The following PSG4 variants were observed in gnomAD, a reference collection of about 807,000 sequenced individuals.
The protein encoded by PSG4 is pregnancy-specific beta-1-glycoprotein 4.
Under a neutral mutation model 44.3 loss-of-function variants are expected in PSG4, and 61 were observed. That is an observed-to-expected ratio of 1.38 (90% confidence interval 1.12 to 1.70). The LOEUF (loss-of-function observed/expected upper bound fraction) is 1.70. PSG4 is among the 40% of genes most tolerant of loss of function. The probability of loss-of-function intolerance (pLI) is 0.00; values close to 1 mark genes in which losing one functional copy is unlikely to be tolerated. For synonymous variants in PSG4, 248 were observed against 191.3 expected (o/e 1.30, Z -2.45); for missense variants, 677 against 511.7 (o/e 1.32, Z -3.12).
intron 2 of PSG4, chr19:43,203,284 T>A (rs1296372336): frequency 6.7e-6 from 1 of 148,904 alleles, no homozygotes; most frequent in Non-Finnish European, 1.4e-5. Context: ...CTTTCTATCC[T>A]CTCCACTCTG....
intron 2 of PSG4, among the ~76,000 whole-genome samples, chr19:43,200,226 T>C (rs1205165185): frequency 2.8e-5 from 4 of 144,694 alleles, no homozygotes; most frequent in Admixed American, 1.4e-4. Flanking sequence ...ATCCAACTTA[T>C]GAAAATGGCA....
At chr19:43,200,478 A>G (rs1165661882) in intron 2 of PSG4, among the ~76,000 whole-genome samples, 1 of 145,032 alleles carries the variant, frequency 6.9e-6, no homozygotes, top group East Asian at 2.4e-4. Context: ...TTCCTGTTTC[A>G]GTTTTGGAAG....
At chr19:43,194,663 G>C (rs1967156848) in intron 4 of PSG4, 69 bp from the exon 5 acceptor site, 1 of 1,553,864 alleles carries the variant, frequency 6.4e-7, no homozygotes, top group Non-Finnish European at 8.7e-7. Flanking sequence ...GTCTCTTAAA[G>C]GGACACAGTT....
rs982026084 is a variant in PSG4 at position 43,194,811 on chromosome 19, C to T, written c.988+184G>A. 4.2e-5 allele frequency: 60 copies of T among 1,433,142 alleles called. 1 individual carries two copies. The highest frequency in any genetic ancestry group is 7.2e-5 in the African/African-American group (5 of 69,282). The allele number at this position is 1,433,142 out of a possible 1,614,324, so 88.8% of individuals were successfully genotyped here. A position where few individuals can be genotyped will look rare whatever the true frequency, so the allele number is the denominator to read the frequency against. On this transcript the variant is annotated intron_variant, in intron 4 of 5. Coordinates refer to ENST00000405312, the MANE Select transcript of PSG4 (RefSeq NM_002780.5). Reference sequence around the variant, plus strand: ...TCTCCCATGACAAGAGCGTCCCCTCCCCTTATATTCTTGGTTAAGGCTGTG... The same window carrying T: ...TCTCCCATGACAAGAGCGTCCCCTCTCCTTATATTCTTGGTTAAGGCTGTG...
Position 43,205,485 on chromosome 19 carries a change from C to A in PSG4, c.52G>T (p.Val18Phe), listed in dbSNP as rs141508635. The change falls in exon 1 of 6, where the codon GTC (valine) becomes TTC (phenylalanine). Residue 18 changes from valine (V) to phenylalanine (F), a missense_variant. Physicochemically the swap from Val to Phe is conservative, Grantham distance 50. Coordinates refer to ENST00000405312, the MANE Select transcript of PSG4 (RefSeq NM_002780.5). Reference protein sequence around the residue: ...PCTQRITWKGVLLTASLLNFW... With the variant: ...PCTQRITWKGFLLTASLLNFW... ...GTTCTCTCCTCACCTGTGAGCAGGA[C>A]CCCCTTCCAGGTGATGCGCTGTGTG... The A allele has an allele frequency of 5.8e-6, 9 of 1,548,440 alleles. 2 individuals are homozygous for A. The South Asian group carries it at 1.0e-4, about 17-fold the overall frequency.
chr19:43,202,520 C>G (rs1967560828), intron 2 of PSG4, among the ~76,000 whole-genome samples: 1 of 144,368 alleles, frequency 6.9e-6, no homozygotes, highest in Admixed American at 6.9e-5. Context: ...TTTCTTCATT[C>G]CATTCCTTCA....
At chr19:43,201,777 C>T (rs1194275619) in intron 2 of PSG4, among the ~76,000 whole-genome samples, 1 of 144,332 alleles carries the variant, frequency 6.9e-6, no homozygotes, top group Non-Finnish European at 1.5e-5. Context: ...GACTTGGAGT[C>T]GTTAAAATCT....
intron 5 of PSG4, 30 bp downstream of exon 5, chr19:43,194,310 C>T (rs747783155): frequency 6.2e-7 from 1 of 1,612,006 alleles, no homozygotes; most frequent in African/African-American, 1.3e-5. Flanking sequence ...ACCTAAATCC[C>T]TATTGCCAAG....
At position 43,193,547 on chromosome 19, in the gene PSG4, T is replaced by C. The variant is rs182182527; in HGVS notation, c.1244-159A>G. On this transcript the variant is annotated intron_variant, in intron 5 of 5. Transcript: ENST00000405312. ...AGAATAAGTTTGTTTGCAAAATAGG[T>C]TGAGTTTCTTCAAACGTGGTCTGAT... 4.5e-4 allele frequency: 290 copies of C among 645,312 alleles called. 5 individuals are homozygous for C. In the African/African-American group the frequency reaches 4.7e-3, roughly 10 times the overall value. The allele number at this position is 645,312 out of a possible 1,614,324, so 40.0% of individuals were successfully genotyped here.
intron 1 of PSG4, 23 bp downstream of exon 1, chr19:43,205,450 C>G: frequency 2.6e-6 from 4 of 1,522,194 alleles, no homozygotes; most frequent in Non-Finnish European, 3.6e-6. Context: ...CTCCTGTCCT[C>G]TCCCAGGAAG....
rs1568388643 is a variant in PSG4 at position 43,201,692 on chromosome 19, T to G, written c.430+2194A>C. 2.1e-5 allele frequency among the ~76,000 whole-genome samples: 3 copies of G among 145,502 alleles called. 1 individual carries two copies. The East Asian group carries it at 7.1e-4, about 34-fold the overall frequency. On this transcript the variant is annotated intron_variant, in intron 2 of 5. Coordinates refer to ENST00000405312, the MANE Select transcript of PSG4 (RefSeq NM_002780.5). ...TAGTCCTGTGACCCTGAAACTGTCCTTGAAAATCTCTAACCCCTGCTCCAC... is the reference window on the plus strand; with the variant it reads ...TAGTCCTGTGACCCTGAAACTGTCCGTGAAAATCTCTAACCCCTGCTCCAC...
At chr19:43,203,343 G>C (rs973947476) in intron 2 of PSG4, 1 of 151,150 alleles carries the variant, frequency 6.6e-6, no homozygotes, top group Admixed American at 6.2e-5. Flanking sequence ...GGCTCTGAGG[G>C]CTGAGCCCTG....
rs536373784 is a variant in PSG4 at position 43,194,017 on chromosome 19, A to T, written c.1243+323T>A. ...TAGATTAAAAGAAAAAAATTCCATA[A>T]ATCTAGAAAACAAACCATTTAAAGA... On this transcript the variant is annotated intron_variant, in intron 5 of 5. Coordinates refer to ENST00000405312, the MANE Select transcript of PSG4 (RefSeq NM_002780.5). The T allele has an allele frequency of 1.2e-5, 12 of 985,004 alleles. 1 individual carries two copies. The African/African-American group carries it at 1.7e-4, about 14-fold the overall frequency. The allele number at this position is 985,004 out of a possible 1,614,324, so 61.0% of individuals were successfully genotyped here.
intron 2 of PSG4, among the ~76,000 whole-genome samples, chr19:43,199,785 CA>C (rs1253087235): frequency 6.9e-6 from 1 of 145,740 alleles, no homozygotes; most frequent in Non-Finnish European, 1.5e-5. Flanking sequence ...ATGATCCAGA[CA>C]TCGAAGATCA....
Position 43,194,780 on chromosome 19 carries a change from C to T in PSG4, c.989-186G>A, listed in dbSNP as rs1967162163. On this transcript the variant is annotated intron_variant, in intron 4 of 5. Transcript: ENST00000405312. The stretch of plus-strand genomic sequence containing the variant: ...GTTTCTCCCATCACAAGTTTTAGGC[C>T]CCAAGTCTCCCATGACAAGAGCGTC... The T allele has an allele frequency of 7.1e-6, 10 of 1,412,556 alleles. 1 individual carries two copies. Among genetic ancestry groups the T allele is most frequent in the East Asian group, 4.6e-5 (2 of 43,018 alleles). 87.5% of individuals were successfully genotyped at this position (1,412,556 alleles called of 1,614,324 possible). A position where few individuals can be genotyped will look rare whatever the true frequency, so the allele number is the denominator to read the frequency against.
chr19:43,205,048 C>T lies in PSG4; in HGVS notation c.64+425G>A. 9.1e-6 allele frequency: 2 copies of T among 219,330 alleles called. 1 individual carries two copies. Among genetic ancestry groups the T allele is most frequent in the Middle Eastern group, 3.5e-3 (2 of 568 alleles). The allele number at this position is 219,330 out of a possible 1,614,324, so 13.6% of individuals were successfully genotyped here. A position where few individuals can be genotyped will look rare whatever the true frequency, so the allele number is the denominator to read the frequency against. On this transcript the variant is annotated intron_variant, in intron 1 of 5. Coordinates refer to ENST00000405312, the MANE Select transcript of PSG4 (RefSeq NM_002780.5). ...TATTTTGACCCTCTGGTGTATTTTC[C>T]CCTATCCAGGCTCCAACAGAGCCTT...
chr19:43,203,573 CA>C, intron 2 of PSG4: 1 of 370,812 alleles, frequency 2.7e-6, no homozygotes, highest in South Asian at 3.2e-5. Context: ...CTCAGTTCTC[CA>C]GGGTCTTTGT....
intron 2 of PSG4, 29 bp from the exon 3 acceptor site, chr19:43,198,304 C>A: frequency 6.4e-7 from 1 of 1,567,342 alleles, no homozygotes; most frequent in Non-Finnish European, 8.6e-7. Flanking sequence ...GAGGTTTGCC[C>A]TGTGTGGCAT....
chr19:43,197,774 C>A (rs1967315118), intron 3 of PSG4: 5 of 944,850 alleles, frequency 5.3e-6, no homozygotes, highest in African/African-American at 1.9e-5. Flanking sequence ...CCATCACAAG[C>A]TGTGGAACCT....
Sources: gnomAD v4.1 joint callset for allele counts (sites outside exome capture counted in the v4.1 genomes callset) on GRCh38, gnomAD v4.1.1 for gene constraint, MANE v1.5 for transcripts, NCBI Gene and HGNC (gene_info 2026-07-23, HGNC 2026-07-21) for gene names.